Variants in KDM5A observed in about 807,000 individuals in gnomAD.
KDM5A encodes lysine demethylase 5A.
A neutral mutation model predicts 193.5 loss-of-function variants in KDM5A; 42 were observed. The observed-to-expected ratio is 0.22, with a 90% confidence interval of 0.17 to 0.28. The LOEUF (loss-of-function observed/expected upper bound fraction) is 0.28, where lower values mean the gene tolerates loss of function less well. Ranked by LOEUF, KDM5A falls within the 10% of genes least tolerant of loss-of-function variation. The pLI is 1.00. For missense variants in KDM5A, 1,692 were observed against 2,055.1 expected, an observed-to-expected ratio of 0.82 and a Z score of 3.42; for synonymous variants, 796 against 718.1, an observed-to-expected ratio of 1.11 and a Z score of -1.73.
intron 10 of KDM5A, among the ~76,000 whole-genome samples, chr12:340,449 AC>A (rs1277469166): frequency 6.6e-6 from 1 of 152,182 alleles, no homozygotes; most frequent in South Asian, 2.1e-4. Flanking sequence ...TAATCCCAGC[AC>A]TTTGGGAGGC....
chr12:350,534 T>C (rs1944143353), intron 10 of KDM5A, 87 bp downstream of exon 10: 2 of 1,301,034 alleles, frequency 1.5e-6, no homozygotes, highest in Admixed American at 1.7e-5. Context: ...TATTTAATAT[T>C]TTAAGTTAAT....
chr12:297,030 A>C lies in KDM5A; in HGVS notation c.4234+11T>G. The C allele has an allele frequency of 1.2e-6, 2 of 1,613,084 alleles. 1 individual carries two copies. Among genetic ancestry groups the C allele is most frequent in the South Asian group, 2.2e-5 (2 of 91,038 alleles). ...GCTTATGTTCCCCACAGTTTTTTAA[A>C]GGAGTAATACCTTGAGAACAACTCT... On this transcript the variant is annotated intron_variant, in intron 25 of 27. Coordinates refer to ENST00000399788, the MANE Select transcript of KDM5A (RefSeq NM_001042603.3).
chr12:290,477 TCTC>T (rs1943279091), intron 27 of KDM5A, among the ~76,000 whole-genome samples: 1 of 152,148 alleles, frequency 6.6e-6, no homozygotes. Flanking sequence ...CTCAGCCAAA[TCTC>T]CTTTTGCTCC....
At chr12:336,500 G>C (rs913901081) in intron 10 of KDM5A, among the ~76,000 whole-genome samples, 22 of 152,066 alleles carry the variant, frequency 1.4e-4, no homozygotes, top group African/African-American at 5.1e-4. Flanking sequence ...ATCTCAACAG[G>C]TTATTACTCA....
In KDM5A at chr12:281,266, G is replaced by T. The variant is rs117726935; in HGVS notation, c.*4190C>A. On this transcript the variant is annotated 3_prime_UTR_variant, in exon 28 of 28. Coordinates refer to ENST00000399788, the MANE Select transcript of KDM5A (RefSeq NM_001042603.3). ...ATAAATTGTAAATAAATATGTAAGG[G>T]AATAATCAATAGGGAGTCTTGAGGT... The T allele has an allele frequency of 3.8e-4, 88 of 233,062 alleles. No individual in the cohort carries two copies. The East Asian group carries it at 5.1e-3, about 13-fold the overall frequency. The allele number at this position is 233,062 out of a possible 1,614,324, so 14.4% of individuals were successfully genotyped here. A position where few individuals can be genotyped will look rare whatever the true frequency, so the allele number is the denominator to read the frequency against.
rs191475834 is a variant in KDM5A at position 310,904 on chromosome 12, G to C, written c.3197C>G (p.Ser1066Cys). Reference protein sequence around the residue: ...RTGRTFLKKNSSHTLLQVLSP... With the variant: ...RTGRTFLKKNCSHTLLQVLSP... Reference sequence around the variant, plus strand: ...AAGTACCTGTAACAATGTATGGCTAGAATTCTTCTTAAGAAACGTCCGCCC... The same window carrying C: ...AAGTACCTGTAACAATGTATGGCTACAATTCTTCTTAAGAAACGTCCGCCC... The change falls in exon 21 of 28, where the codon TCT becomes TGT. Residue 1066 changes from serine (S) to cysteine (C), a missense_variant. By Grantham distance (112) the Ser-to-Cys change is moderately radical (BLOSUM62 -1). Coordinates refer to ENST00000399788, the MANE Select transcript of KDM5A (RefSeq NM_001042603.3). 1.1e-3 allele frequency: 1,842 copies of C among 1,613,766 alleles called. No individual in the cohort carries two copies. The highest frequency in any genetic ancestry group is 1.5e-3 in the Admixed American group (92 of 60,028).
intron 3 of KDM5A, among the ~76,000 whole-genome samples, chr12:366,901 C>T (rs1944363259): frequency 6.6e-6 from 1 of 152,124 alleles, no homozygotes. Flanking sequence ...GATTATAATA[C>T]CATATTCTTA....
chr12:331,341 T>C (rs961969630), intron 13 of KDM5A, among the ~76,000 whole-genome samples: 6 of 152,230 alleles, frequency 3.9e-5, no homozygotes, highest in African/African-American at 1.2e-4. Flanking sequence ...CCAACCTTTA[T>C]CTTCAATGGC....
At chr12:381,814 C>G (rs1023090865) in intron 3 of KDM5A, among the ~76,000 whole-genome samples, 1 of 74,092 alleles carries the variant, frequency 1.3e-5, no homozygotes, top group South Asian at 3.8e-4. Context: ...TATGGTTACT[C>G]TGTTTTTTTG....
intron 3 of KDM5A, among the ~76,000 whole-genome samples, chr12:377,733 G>C (rs754927551): frequency 6.6e-6 from 1 of 152,148 alleles, no homozygotes; most frequent in African/African-American, 2.4e-5. Flanking sequence ...TCACCAAAAT[G>C]AGAGTAAACC....
intron 10 of KDM5A, among the ~76,000 whole-genome samples, chr12:348,418 C>T (rs1322208296): frequency 1.3e-5 from 2 of 152,132 alleles, no homozygotes; most frequent in African/African-American, 4.8e-5. Flanking sequence ...TGGGTATATA[C>T]CCAAAGGATT....
intron 27 of KDM5A, among the ~76,000 whole-genome samples, chr12:291,059 T>A (rs1002248355): frequency 1.3e-5 from 2 of 152,066 alleles, no homozygotes; most frequent in African/African-American, 4.8e-5. Context: ...CAAACTCAGA[T>A]GGAAATAAAT....
intron 3 of KDM5A, among the ~76,000 whole-genome samples, chr12:372,988 G>C (rs914657483): frequency 3.9e-5 from 6 of 152,176 alleles, no homozygotes; most frequent in African/African-American, 1.2e-4. Flanking sequence ...GCTGGATTTG[G>C]TTTGCCAGTA....
At chr12:369,971 A>G (rs1327862169) in intron 3 of KDM5A, among the ~76,000 whole-genome samples, 1 of 152,250 alleles carries the variant, frequency 6.6e-6, no homozygotes, top group East Asian at 1.9e-4. Context: ...ACTATCTCAC[A>G]AAGAAAACAA....
In KDM5A at chr12:385,913, C is replaced by T. The variant is rs746386769; in HGVS notation, c.227G>A (p.Arg76His). 8 of 1,613,522 alleles carry T rather than the reference C, an allele frequency of 5.0e-6. No homozygotes were observed. The Admixed American group carries it at 5.0e-5, about 10-fold the overall frequency. The change falls in exon 2 of 28, where the codon CGC (arginine) becomes CAC (histidine). Residue 76 changes from arginine to histidine, a missense_variant. Around this residue, in one of 11 missense-constraint regions of KDM5A, gnomAD observed 120 missense variants for 172.0 expected, o/e 0.70. Transcript: ENST00000399788. ...KSFRFTPRVQ[R>H]LNELEAMTRV... ...AACACTTACCTCAAGTTCATTCAGGCGCTGGACTCTTGGAGTGAAACGAAA... is the reference window on the plus strand; with the variant it reads ...AACACTTACCTCAAGTTCATTCAGGTGCTGGACTCTTGGAGTGAAACGAAA...
chr12:285,779 G>A (rs898988437), intron 27 of KDM5A, 117 bp from the exon 28 acceptor site: 1 of 867,708 alleles, frequency 1.2e-6, no homozygotes, highest in Non-Finnish European at 2.0e-6. Flanking sequence ...TGTCTAGATA[G>A]GCAATGACTT....
chr12:292,920 C>A lies in KDM5A; in HGVS notation c.4705G>T (p.Ala1569Ser), dbSNP rs1285618565. The A allele has an allele frequency of 2.5e-6, 4 of 1,613,992 alleles. No homozygotes were observed. The highest frequency in any genetic ancestry group is 3.4e-6 in the Non-Finnish European group (4 of 1,180,032). ...TTCACAAGTTCAACTTTGGCTGCAG[C>A]AGCCTTCTCCTTCTTTTTCTTTCTC... ...EERKKKKEKA[A>S]AAKVELVKES... The change falls in exon 27 of 28, where the codon GCT becomes TCT. Residue 1569 changes from alanine (A) to serine (S), a missense_variant. Ala to Ser is a moderately conservative substitution (Grantham distance 99). Coordinates refer to ENST00000399788, the MANE Select transcript of KDM5A (RefSeq NM_001042603.3).
intron 4 of KDM5A, among the ~76,000 whole-genome samples, chr12:365,174 T>C (rs1944341690): frequency 6.6e-6 from 1 of 152,090 alleles, no homozygotes; most frequent in Non-Finnish European, 1.5e-5. Flanking sequence ...TACCACAGTC[T>C]CTGGAGTAGC....
In KDM5A at chr12:318,325, C is replaced by T. The variant is rs774366438; in HGVS notation, c.2678G>A (p.Arg893Gln). The T allele has an allele frequency of 5.0e-6, 8 of 1,613,992 alleles. No individual in the cohort carries two copies. The highest frequency in any genetic ancestry group is 4.0e-5 in the African/African-American group (3 of 74,900). Residue 893 changes from arginine (R) to glutamine (Q), a missense_variant, in exon 19 of 28, where the codon CGA (arginine) becomes CAA (glutamine). Coordinates refer to ENST00000399788, the MANE Select transcript of KDM5A (RefSeq NM_001042603.3). ...AGCCTGTTGTAGCTCTTGCTTCAGT[C>T]GTGGTAATTCAGGGAGTTCCACATA... ...SLYVELPELP[R>Q]LKQELQQARW... is the part of the protein sequence containing the mutation.
Sources: gnomAD v4.1 joint callset for allele counts (sites outside exome capture counted in the v4.1 genomes callset) on GRCh38, gnomAD v4.1.1 for gene constraint, gnomAD v4.1.1 regional missense constraint, MANE v1.5 for transcripts, NCBI Gene and HGNC (gene_info 2026-07-23, HGNC 2026-07-21) for gene names.